The following GALNT7 variants were observed in gnomAD, a reference collection of about 807,000 sequenced individuals.
The protein encoded by GALNT7 is N-acetylgalactosaminyltransferase 7.
Under a neutral mutation model 82.1 loss-of-function variants are expected in GALNT7, and 60 were observed. The observed-to-expected ratio is 0.73, with a 90% CI of 0.59 to 0.91. The LOEUF is 0.91. Ranked by LOEUF, GALNT7 falls within the 40% of genes least tolerant of loss-of-function variation. The pLI, the probability that GALNT7 is intolerant of heterozygous loss-of-function variation, is 0.00. For missense variants in GALNT7, 660 were observed against 804.2 expected (o/e 0.82, Z 2.17); for synonymous variants, 243 against 275.1 (o/e 0.88, Z 1.15).
chr4:173,315,240 A>G (rs1401293438), intron 9 of GALNT7, among the ~76,000 whole-genome samples: 1 of 152,126 alleles, frequency 6.6e-6, no homozygotes, highest in Non-Finnish European at 1.5e-5. Flanking sequence ...GTGTGAAGGG[A>G]TAAGGGCCAG....
chr4:173,267,343 T>A (rs1354859109), intron 2 of GALNT7, among the ~76,000 whole-genome samples: 1 of 152,116 alleles, frequency 6.6e-6, no homozygotes, highest in Non-Finnish European at 1.5e-5. Context: ...CTGAAACGCG[T>A]ACCTGAATGC....
At chr4:173,172,619 C>T (rs533525863) in intron 1 of GALNT7, among the ~76,000 whole-genome samples, 2 of 152,230 alleles carry the variant, frequency 1.3e-5, no homozygotes, top group East Asian at 3.9e-4. Context: ...CTTTCCTGCC[C>T]TGCTCATGTC....
intron 2 of GALNT7, among the ~76,000 whole-genome samples, chr4:173,291,602 T>C (rs1736533883): frequency 6.6e-6 from 1 of 152,234 alleles, no homozygotes; most frequent in Non-Finnish European, 1.5e-5. Context: ...CATTCCACAG[T>C]AAATTTCTGA....
intron 1 of GALNT7, among the ~76,000 whole-genome samples, chr4:173,229,226 T>C (rs1733942752): frequency 6.6e-6 from 1 of 152,172 alleles, no homozygotes; most frequent in Non-Finnish European, 1.5e-5. Context: ...ATTTATTACA[T>C]CTTAATATTC....
intron 1 of GALNT7, among the ~76,000 whole-genome samples, chr4:173,184,102 C>T (rs1732383480): frequency 6.7e-6 from 1 of 148,812 alleles, no homozygotes; most frequent in Non-Finnish European, 1.5e-5. Context: ...AGAGGCTCTC[C>T]TCACTTCCCA....
chr4:173,174,143 T>C (rs1424077974), intron 1 of GALNT7, among the ~76,000 whole-genome samples: 1 of 152,198 alleles, frequency 6.6e-6, no homozygotes, highest in Non-Finnish European at 1.5e-5. Flanking sequence ...GTTTTCAGTG[T>C]CCCATCCCCC....
intron 1 of GALNT7, among the ~76,000 whole-genome samples, chr4:173,208,212 T>G (rs1733159690): frequency 6.6e-6 from 1 of 152,190 alleles, no homozygotes. Context: ...GATGTAATAG[T>G]TAAAAATGAA....
chr4:173,286,644 T>C (rs1309531930), intron 2 of GALNT7, among the ~76,000 whole-genome samples: 3 of 152,230 alleles, frequency 2.0e-5, no homozygotes. Context: ...TGGGGGTTGA[T>C]GCTTTAAGTA....
At chr4:173,285,961 G>T (rs528652772) in intron 2 of GALNT7, among the ~76,000 whole-genome samples, 2 of 151,954 alleles carry the variant, frequency 1.3e-5, no homozygotes, top group Non-Finnish European at 2.9e-5. Context: ...GGTCTTTCAC[G>T]TATGCATCAA....
intron 5 of GALNT7, among the ~76,000 whole-genome samples, chr4:173,296,541 T>C (rs1266572830): frequency 1.3e-5 from 2 of 152,198 alleles, no homozygotes; most frequent in Non-Finnish European, 2.9e-5. Flanking sequence ...ATTTTTCACA[T>C]GCTGTCTGAT....
chr4:173,236,691 C>G (rs966762451), intron 1 of GALNT7, among the ~76,000 whole-genome samples: 1 of 152,216 alleles, frequency 6.6e-6, no homozygotes, highest in South Asian at 2.1e-4. Context: ...TACATCCCCA[C>G]CGCCTATGTA....
intron 1 of GALNT7, among the ~76,000 whole-genome samples, chr4:173,201,310 T>G (rs933718661): frequency 7.2e-5 from 11 of 152,228 alleles, no homozygotes; most frequent in African/African-American, 2.2e-4. Context: ...GTTATTAAAT[T>G]AATTTAATAA....
intron 2 of GALNT7, among the ~76,000 whole-genome samples, chr4:173,257,905 G>A (rs1735103534): frequency 6.6e-6 from 1 of 152,198 alleles, no homozygotes; most frequent in African/African-American, 2.4e-5. Context: ...TTCAGTAGAA[G>A]GATGTACTTC....
At chr4:173,187,722 T>G (rs1732502690) in intron 1 of GALNT7, among the ~76,000 whole-genome samples, 1 of 152,180 alleles carries the variant, frequency 6.6e-6, no homozygotes, top group Non-Finnish European at 1.5e-5. Flanking sequence ...TGAGTTAGTA[T>G]TAAGAAATTT....
rs9995770 is a variant in GALNT7 at position 173,233,597 on chromosome 4, G to A, written c.127-14383G>A. On this transcript the variant is annotated intron_variant, in intron 1 of 11. Transcript: ENST00000265000. ...CTGTTGGATTAATTCAGACTGCAGT[G>A]GTTGAGGATTTGGATCCCAAAGAAG... is the stretch of plus-strand genomic sequence containing the variant. 2.9e-3 allele frequency among the ~76,000 whole-genome samples: 449 copies of A among 152,288 alleles called. 3 individuals carry two copies. The highest frequency in any genetic ancestry group is 0.01 in the African/African-American group (432 of 41,560).
At chr4:173,197,767 C>T (rs752981071) in intron 1 of GALNT7, among the ~76,000 whole-genome samples, 2 of 152,014 alleles carry the variant, frequency 1.3e-5, no homozygotes, top group African/African-American at 2.4e-5. Context: ...GGGATGAAGA[C>T]GTGGGGTGCA....
At chr4:173,223,261 C>A (rs1733699621) in intron 1 of GALNT7, among the ~76,000 whole-genome samples, 1 of 152,154 alleles carries the variant, frequency 6.6e-6, no homozygotes, top group African/African-American at 2.4e-5. Flanking sequence ...CAATAAACTT[C>A]CCCTCCCTTT....
At chr4:173,310,809 C>G (rs1039998937) in intron 8 of GALNT7, among the ~76,000 whole-genome samples, 13 of 152,096 alleles carry the variant, frequency 8.5e-5, no homozygotes, top group Non-Finnish European at 1.6e-4. Context: ...AGTCTCAGCT[C>G]ACTGCAACCT....
rs1348966532 is a variant in GALNT7 at position 173,323,064 on chromosome 4, C to T, written c.*1347C>T. The T allele has an allele frequency of 6.7e-6, 1 of 149,980 alleles. No individual in the cohort carries two copies. Among genetic ancestry groups the T allele is most frequent in the Admixed American group, 6.6e-5 (1 of 15,078 alleles). The allele number at this position is 149,980 out of a possible 1,614,324, so 9.3% of individuals were successfully genotyped here. ...AACCAAATATTGCAAATGGTCAATT[C>T]GATTTTAATTTCTCAAAAGATACTC... On this transcript the variant is annotated 3_prime_UTR_variant, in exon 12 of 12. Coordinates refer to ENST00000265000, the MANE Select transcript of GALNT7 (RefSeq NM_017423.3).
Sources: allele counts gnomAD v4.1 joint callset (sites outside exome capture counted in the v4.1 genomes callset), GRCh38; gene constraint gnomAD v4.1.1; transcripts MANE v1.5; gene names NCBI Gene and HGNC (gene_info 2026-07-23, HGNC 2026-07-21).